CCDC150: variants seen among roughly 807,000 people sequenced by gnomAD.
CCDC150 encodes the protein coiled-coil domain containing 150, also known as coiled-coil domain-containing protein 150.
A neutral mutation model predicts 156.5 loss-of-function variants in CCDC150; 151 were observed. The observed-to-expected ratio is 0.97, with a 90% CI of 0.85 to 1.10. CCDC150 has a LOEUF of 1.10. CCDC150 is among the 50% of genes least tolerant of loss of function. CCDC150 has a pLI of 0.00. For synonymous variants in CCDC150, 452 were observed against 429.4 expected (o/e 1.05, Z -0.65); for missense variants, 1,312 against 1,268.1 (o/e 1.03, Z -0.53).
intron 4 of CCDC150, among the ~76,000 whole-genome samples, chr2:196,658,034 TA>T (rs915083423): frequency 8.5e-5 from 13 of 152,220 alleles, no homozygotes; most frequent in African/African-American, 2.9e-4. Flanking sequence ...AAATAATTAG[TA>T]GTTGGGGTTG....
chr2:196,712,982 A>G (rs776107919), intron 17 of CCDC150: 39 of 526,936 alleles, frequency 7.4e-5, no homozygotes, highest in Non-Finnish European at 1.2e-4. Context: ...ATAAAAGCAT[A>G]TGTAACTTCT....
At chr2:196,713,223 A>G (rs1697256911) in intron 17 of CCDC150, 7 of 1,257,976 alleles carry the variant, frequency 5.6e-6, no homozygotes, top group Non-Finnish European at 7.3e-6. Flanking sequence ...CTGAAAGCAG[A>G]GAAACACATT....
rs1399112749 is a variant in CCDC150 at position 196,656,841 on chromosome 2, C to A, written c.385C>A (p.Pro129Thr). 6.2e-7 allele frequency: 1 copy of A among 1,613,596 alleles called. No homozygotes were observed. The highest frequency in any genetic ancestry group is 8.5e-7 in the Non-Finnish European group (1 of 1,179,736). ...FRLQTEKDLN[P>T]QKTAFLKDRL... ...GCTGCAAACTGAAAAGGATTTGAATCCTCAGAAAACAGGTATAGAGATAAG... is the reference window on the plus strand; with the variant it reads ...GCTGCAAACTGAAAAGGATTTGAATACTCAGAAAACAGGTATAGAGATAAG... The change falls in exon 3 of 28, where the codon CCT becomes ACT. Residue 129 changes from proline to threonine, a missense_variant. Pro to Thr is a conservative substitution (Grantham distance 38, BLOSUM62 -1). Coordinates refer to ENST00000389175, the MANE Select transcript of CCDC150 (RefSeq NM_001080539.2).
At chr2:196,648,951 T>C (rs1041757644) in intron 2 of CCDC150, among the ~76,000 whole-genome samples, 5 of 152,200 alleles carry the variant, frequency 3.3e-5, no homozygotes, top group African/African-American at 1.2e-4. Flanking sequence ...TGACCATAAA[T>C]GCATGGGTTT....
chr2:196,722,611 A>T (rs1346427560), intron 21 of CCDC150, among the ~76,000 whole-genome samples: 1 of 152,090 alleles, frequency 6.6e-6, no homozygotes, highest in Non-Finnish European at 1.5e-5. Context: ...GAGCATGTTG[A>T]TACAGGAAAG....
intron 22 of CCDC150, chr2:196,727,725 A>G (rs897482211): frequency 6.6e-6 from 1 of 152,042 alleles, no homozygotes; most frequent in Admixed American, 6.5e-5. Context: ...TGTTAAGAAT[A>G]CTTACAGCCG....
intron 13 of CCDC150, among the ~76,000 whole-genome samples, chr2:196,679,140 G>A (rs7585960): frequency 1.3e-5 from 2 of 152,064 alleles, no homozygotes; most frequent in African/African-American, 4.8e-5. Flanking sequence ...TCTTTTAACA[G>A]TATGCTTTTT....
At chr2:196,692,429 C>T (rs994394889) in intron 13 of CCDC150, among the ~76,000 whole-genome samples, 19 of 152,224 alleles carry the variant, frequency 1.2e-4, no homozygotes, top group Non-Finnish European at 2.2e-4. Flanking sequence ...CCACCGCGCC[C>T]GGCCGAGATC....
intron 7 of CCDC150, among the ~76,000 whole-genome samples, chr2:196,669,177 A>G (rs78990383): frequency 1.1e-4 from 16 of 152,304 alleles, no homozygotes; most frequent in Non-Finnish European, 1.9e-4. Flanking sequence ...CTAGACCAGT[A>G]TCTTACTGCC....
At chr2:196,648,430 TG>T (rs1460341418) in intron 2 of CCDC150, among the ~76,000 whole-genome samples, 1 of 152,204 alleles carries the variant, frequency 6.6e-6, no homozygotes, top group Non-Finnish European at 1.5e-5. Context: ...GCCATTTGTA[TG>T]TCTTCATTTG....
At chr2:196,726,212 C>T in intron 22 of CCDC150, 113 bp downstream of exon 22, 2 of 1,217,550 alleles carry the variant, frequency 1.6e-6, no homozygotes, top group Non-Finnish European at 1.1e-6. Flanking sequence ...CCCCTTTGAT[C>T]AGCAGGCCAG....
intron 13 of CCDC150, among the ~76,000 whole-genome samples, chr2:196,684,062 A>T (rs1241596738): frequency 6.6e-6 from 1 of 151,712 alleles, no homozygotes; most frequent in African/African-American, 2.4e-5. Context: ...TCTAGTTTCT[A>T]AAAAAAAGCT....
intron 15 of CCDC150, among the ~76,000 whole-genome samples, chr2:196,711,522 G>A (rs1001633541): frequency 9.2e-5 from 14 of 152,138 alleles, no homozygotes; most frequent in African/African-American, 1.4e-4. Flanking sequence ...ATGGAAAAAC[G>A]TATAATTTGG....
intron 4 of CCDC150, among the ~76,000 whole-genome samples, chr2:196,657,805 C>G (rs554999571): frequency 2.0e-5 from 3 of 152,228 alleles, no homozygotes; most frequent in Non-Finnish European, 4.4e-5. Flanking sequence ...TTATTATCCC[C>G]ATTTTTTAAC....
intron 13 of CCDC150, among the ~76,000 whole-genome samples, chr2:196,694,038 A>G (rs1424970307): frequency 6.7e-6 from 1 of 149,264 alleles, no homozygotes; most frequent in Non-Finnish European, 1.5e-5. Context: ...CATTTTGCTA[A>G]TATTTTGTGG....
chr2:196,647,037 G>A (rs1477382120), intron 2 of CCDC150, among the ~76,000 whole-genome samples: 1 of 151,918 alleles, frequency 6.6e-6, no homozygotes, highest in Admixed American at 6.6e-5. Context: ...AGAATCTGTG[G>A]GCTTAAGCAG....
intron 15 of CCDC150, among the ~76,000 whole-genome samples, chr2:196,708,668 T>G (rs1223459800): frequency 6.6e-6 from 1 of 152,238 alleles, no homozygotes; most frequent in Non-Finnish European, 1.5e-5. Context: ...CCATGTTTAG[T>G]GCTTCCTTCA....
rs570577789 is a variant in CCDC150 at position 196,683,429 on chromosome 2, T to C, written c.1509+6068T>C. On this transcript the variant is annotated intron_variant, in intron 13 of 27. Coordinates refer to ENST00000389175, the MANE Select transcript of CCDC150 (RefSeq NM_001080539.2). ...TAGGCTTGCTAGTATTTTGTTAAGA[T>C]TTTTTGCATCTATATTCATAAGGGA... Among the ~76,000 whole-genome samples the C allele has an allele frequency of 5.9e-5, 9 of 152,196 alleles. No homozygotes were observed. In the East Asian group the frequency reaches 1.2e-3, roughly 20 times the overall value.
At chr2:196,678,486 C>T (rs115448802) in intron 13 of CCDC150, among the ~76,000 whole-genome samples, 3 of 152,214 alleles carry the variant, frequency 2.0e-5, no homozygotes, top group Admixed American at 2.0e-4. Flanking sequence ...TAAAAATCCT[C>T]AAATGAGGCT....
Sources: allele counts gnomAD v4.1 joint callset (sites outside exome capture counted in the v4.1 genomes callset), GRCh38; gene constraint gnomAD v4.1.1; transcripts MANE v1.5; gene names NCBI Gene and HGNC (gene_info 2026-07-23, HGNC 2026-07-21).